The following FBXW8 variants were observed in gnomAD, a reference collection of about 807,000 sequenced individuals.
FBXW8 encodes F-box/WD repeat-containing protein 8.
A neutral mutation model predicts 65.3 loss-of-function variants in FBXW8; 57 were observed. The observed-to-expected ratio is 0.87, with a 90% CI of 0.71 to 1.09. The LOEUF (loss-of-function observed/expected upper bound fraction) is 1.09. Ranked by LOEUF, FBXW8 falls within the 50% of genes least tolerant of loss-of-function variation. The pLI is 0.00. For missense variants in FBXW8, 777 were observed against 814.8 expected (o/e 0.95, Z 0.57); for synonymous variants, 308 against 330.2 (o/e 0.93, Z 0.73).
intron 8 of FBXW8, among the ~76,000 whole-genome samples, chr12:117,013,024 C>T (rs1203632674): frequency 6.6e-6 from 1 of 152,080 alleles, no homozygotes; most frequent in East Asian, 1.9e-4. Flanking sequence ...AAAAACCAGA[C>T]GCTTGAGGTC....
intron 7 of FBXW8, among the ~76,000 whole-genome samples, chr12:116,993,637 G>T (rs1175053955): frequency 1.3e-5 from 2 of 152,002 alleles, no homozygotes; most frequent in Non-Finnish European, 2.9e-5. Context: ...AGTAGATTCT[G>T]GATATTAGTC....
rs1881226732 is a variant in FBXW8 at position 116,925,233 on chromosome 12, C to T, written c.319-2790C>T. On this transcript the variant is annotated intron_variant, in intron 1 of 10. Transcript: ENST00000652555. ...TGGACTAGTCATTGGATACAGGCTGCCTTAGTGGGGTGGGAGGGGATGCAA... is the reference window on the plus strand; with the variant it reads ...TGGACTAGTCATTGGATACAGGCTGTCTTAGTGGGGTGGGAGGGGATGCAA... Among the ~76,000 whole-genome samples the T allele has an allele frequency of 2.0e-5, 3 of 152,012 alleles. No individual in the cohort carries two copies. In the South Asian group the frequency reaches 6.2e-4, roughly 32 times the overall value.
intron 10 of FBXW8, 151 bp from the exon 11 acceptor site, chr12:117,027,877 T>A: frequency 9.7e-7 from 1 of 1,033,084 alleles, no homozygotes; most frequent in Non-Finnish European, 1.4e-6. Flanking sequence ...CCGGGGACTG[T>A]GAGTATCTGA....
chr12:116,947,684 A>G (rs1883017457), intron 3 of FBXW8, among the ~76,000 whole-genome samples: 1 of 150,620 alleles, frequency 6.6e-6, no homozygotes, highest in African/African-American at 2.4e-5. Context: ...GGTTGCAGTG[A>G]GCCAAGATTG....
chr12:117,025,756 C>T (rs1258301391), intron 9 of FBXW8, among the ~76,000 whole-genome samples: 2 of 152,212 alleles, frequency 1.3e-5, no homozygotes, highest in African/African-American at 4.8e-5. Context: ...AACTCCCGCA[C>T]TGAAATTCCC....
intron 8 of FBXW8, among the ~76,000 whole-genome samples, chr12:117,020,437 ACT>A (rs1014083481): frequency 1.8e-4 from 28 of 151,514 alleles, no homozygotes; most frequent in African/African-American, 5.8e-4. Context: ...AGCTGTCCGC[ACT>A]CTGTTTTTCT....
At chr12:116,946,638 A>G (rs151003700) in intron 3 of FBXW8, among the ~76,000 whole-genome samples, 43 of 152,192 alleles carry the variant, frequency 2.8e-4, no homozygotes, top group Non-Finnish European at 3.8e-4. Flanking sequence ...TAGTGTGGCT[A>G]TCCTTTCTTA....
At chr12:116,915,044 A>C (rs1268842713) in intron 1 of FBXW8, among the ~76,000 whole-genome samples, 1 of 152,244 alleles carries the variant, frequency 6.6e-6, no homozygotes, top group Non-Finnish European at 1.5e-5. Flanking sequence ...ATTTTCAACT[A>C]ATCTGTAGAT....
At chr12:116,999,552 G>A (rs372702199) in intron 7 of FBXW8, among the ~76,000 whole-genome samples, 193 of 152,170 alleles carry the variant, frequency 1.3e-3, no homozygotes, top group African/African-American at 4.5e-3. Context: ...TTCCTGGCTC[G>A]CCCCTGCCCT....
chr12:117,007,937 C>T (rs1394286101), intron 7 of FBXW8, among the ~76,000 whole-genome samples: 1 of 152,030 alleles, frequency 6.6e-6, no homozygotes, highest in African/African-American at 2.4e-5. Context: ...TTTAACTAAA[C>T]GTCATGGTAA....
At chr12:116,918,834 C>T (rs965519740) in intron 1 of FBXW8, among the ~76,000 whole-genome samples, 55 of 152,204 alleles carry the variant, frequency 3.6e-4, no homozygotes, top group African/African-American at 1.3e-3. Context: ...AACTGATATC[C>T]ATTTTAGGTG....
At chr12:116,984,521 G>A (rs1348643084) in intron 5 of FBXW8, among the ~76,000 whole-genome samples, 1 of 152,194 alleles carries the variant, frequency 6.6e-6, no homozygotes, top group African/African-American at 2.4e-5. Context: ...GGAGGATGGC[G>A]CTGAGGAAGG....
chr12:117,010,572 C>T lies in FBXW8; in HGVS notation c.1367+122C>T, dbSNP rs1165080507. Reference sequence around the variant, plus strand: ...AGCTCTGCCCACCTGAGTTCAGCCCCGATCCCATAAACACTCTAGACTCAG... The same window carrying T: ...AGCTCTGCCCACCTGAGTTCAGCCCTGATCCCATAAACACTCTAGACTCAG... On this transcript the variant is annotated intron_variant, in intron 8 of 10. Transcript: ENST00000652555. 9 of 1,318,862 alleles carry T rather than the reference C, an allele frequency of 6.8e-6. No individual in the cohort carries two copies. The East Asian group carries it at 9.3e-5, about 14-fold the overall frequency. The allele number at this position is 1,318,862 out of a possible 1,614,324, so 81.7% of individuals were successfully genotyped here.
intron 5 of FBXW8, chr12:116,980,328 T>G (rs1447305059): frequency 6.6e-6 from 1 of 152,276 alleles, no homozygotes; most frequent in Non-Finnish European, 1.5e-5. Flanking sequence ...TTGGGCTCCA[T>G]GAAGTAGCCT....
chr12:117,014,120 C>T (rs1475639196), intron 8 of FBXW8, among the ~76,000 whole-genome samples: 2 of 152,148 alleles, frequency 1.3e-5, no homozygotes, highest in East Asian at 3.8e-4. Context: ...CATGTTCTTT[C>T]CCAAACCTTT....
At chr12:116,914,940 A>G (rs911382181) in intron 1 of FBXW8, among the ~76,000 whole-genome samples, 4 of 152,234 alleles carry the variant, frequency 2.6e-5, no homozygotes. Flanking sequence ...TAAAGTTATA[A>G]TTCATTGTGT....
intron 4 of FBXW8, among the ~76,000 whole-genome samples, chr12:116,959,003 G>T (rs926438466): frequency 9.2e-5 from 14 of 152,280 alleles, no homozygotes; most frequent in African/African-American, 3.1e-4. Context: ...GCTGCTCTGG[G>T]TGCCTGATCA....
At chr12:116,977,454 C>T (rs1051137593) in intron 5 of FBXW8, 3 of 152,090 alleles carry the variant, frequency 2.0e-5, no homozygotes, top group Admixed American at 6.5e-5. Context: ...TCTTAAAAAT[C>T]TTTTATTGTG....
intron 7 of FBXW8, among the ~76,000 whole-genome samples, chr12:116,996,387 T>C (rs545969138): frequency 6.6e-6 from 1 of 152,194 alleles, no homozygotes; most frequent in African/African-American, 2.4e-5. Flanking sequence ...CGAGTTGAAA[T>C]ATCTGTCTGG....
Sources: gnomAD v4.1 joint callset for allele counts (sites outside exome capture counted in the v4.1 genomes callset) on GRCh38, gnomAD v4.1.1 for gene constraint, MANE v1.5 for transcripts, NCBI Gene and HGNC (gene_info 2026-07-23, HGNC 2026-07-21) for gene names.